Variants in PCID2 observed in about 807,000 individuals in gnomAD.
PCID2 encodes the protein PCI domain containing 2.
PCID2 carries 41 observed loss-of-function variants against 61.3 expected under a neutral mutation model. The observed-to-expected ratio is 0.67, with a 90% CI of 0.52 to 0.87. The LOEUF is 0.87. Among genes scored for constraint, PCID2 ranks in the 40% least tolerant of loss-of-function variants. The probability of loss-of-function intolerance (pLI) is 0.00; values close to 1 mark genes in which losing one functional copy is unlikely to be tolerated. For synonymous variants in PCID2, 187 were observed against 177.8 expected (o/e 1.05, Z -0.41); for missense variants, 392 against 493.4 (o/e 0.79, Z 1.95).
Position 113,177,611 on chromosome 13 carries a change from G to C in PCID2, c.*587C>G, listed in dbSNP as rs1355293460. On this transcript the variant is annotated 3_prime_UTR_variant, in exon 14 of 14. Coordinates refer to ENST00000337344, the MANE Select transcript of PCID2 (RefSeq NM_001127202.4). ...AAGAAATTTTTTTTTAACCAACAAA[G>C]CAAAGGCAAATAAAATAAGTTTATT... 1 of 152,098 alleles carries C rather than the reference G, an allele frequency of 6.6e-6. No individual in the cohort carries two copies. Among genetic ancestry groups the C allele is most frequent in the Non-Finnish European group, 1.5e-5 (1 of 68,010 alleles). The allele number at this position is 152,098 out of a possible 1,614,324, so 9.4% of individuals were successfully genotyped here. A position where few individuals can be genotyped will look rare whatever the true frequency, so the allele number is the denominator to read the frequency against.
rs145406466 is a variant in PCID2 at position 113,179,639 on chromosome 13, G to C, written c.986+278C>G. 6.6e-6 allele frequency among the ~76,000 whole-genome samples: 1 copy of C among 152,170 alleles called. No homozygotes were observed. The highest frequency in any genetic ancestry group is 1.5e-5 in the Non-Finnish European group (1 of 68,030). ...GTCCTGTGTGCTCTGATGAAATGTGGTACCGCGGCTCTCAGGGCTGATGTT... is the reference window on the plus strand; with the variant it reads ...GTCCTGTGTGCTCTGATGAAATGTGCTACCGCGGCTCTCAGGGCTGATGTT... On this transcript the variant is annotated intron_variant, in intron 12 of 13. Transcript: ENST00000337344. This position sits in a 1 kb window ranked among gnomAD's most constrained non-coding sequence, Gnocchi z 4.3.
the PCID2 span, among the ~76,000 whole-genome samples, chr13:113,167,591 T>G: frequency 6.6e-6 from 1 of 152,250 alleles, no homozygotes; most frequent in Non-Finnish European, 1.5e-5. Context: ...CACTTTACTT[T>G]CTAATTATTA....
chr13:113,172,062 A>T, the PCID2 span: 1 of 1,613,020 alleles, frequency 6.2e-7, no homozygotes, highest in Non-Finnish European at 8.5e-7. Context: ...CTTGTCACCA[A>T]GGTCTCCAGG....
rs1221924254 is a variant in PCID2, at chr13:113,183,908, A to G, written c.685+438T>C. The G allele has an allele frequency of 7.1e-6, 7 of 985,458 alleles. No homozygotes were observed. The African/African-American group carries it at 1.0e-4, about 15-fold the overall frequency. 61.0% of individuals were successfully genotyped at this position (985,458 alleles called of 1,614,324 possible). A position where few individuals can be genotyped will look rare whatever the true frequency, so the allele number is the denominator to read the frequency against. ...CTGTTTAAACGAGAGCTTTGACACC[A>G]GGTCCAAGGGCATATCCCCTGCTTC... is the stretch of plus-strand genomic sequence containing the variant. On this transcript the variant is annotated intron_variant, in intron 9 of 13. Transcript: ENST00000337344.
chr13:113,184,173 ATCT>A, intron 9 of PCID2, 170 bp downstream of exon 9: 1 of 422,034 alleles, frequency 2.4e-6, no homozygotes, highest in Non-Finnish European at 3.2e-6. Flanking sequence ...TGGATTAAGA[ATCT>A]TCAATATAAT....
Position 113,208,637 on chromosome 13 carries a change from G to A in PCID2, c.-3C>T. 6.2e-7 allele frequency: 1 copy of A among 1,606,858 alleles called. No homozygotes were observed. Among genetic ancestry groups the A allele is most frequent in the South Asian group, 1.1e-5 (1 of 90,288 alleles). On this transcript the variant is annotated 5_prime_UTR_variant, in exon 1 of 14. Coordinates refer to ENST00000337344, the MANE Select transcript of PCID2 (RefSeq NM_001127202.4). ...TGGTTAATGGTAATGTGCGCCATGG[G>A]AGCGCCGCCGAACGGAGAGCGCCAC...
intron 9 of PCID2, among the ~76,000 whole-genome samples, chr13:113,181,609 C>T (rs1409151526): frequency 6.6e-6 from 1 of 152,164 alleles, no homozygotes; most frequent in Non-Finnish European, 1.5e-5. Flanking sequence ...TGTACCTCCA[C>T]AATACATTTT....
chr13:113,167,762 G>A, the PCID2 span, among the ~76,000 whole-genome samples: 1 of 152,092 alleles, frequency 6.6e-6, no homozygotes, highest in South Asian at 2.1e-4. Context: ...TTTAATTGGG[G>A]TATTTAGGCC....
chr13:113,180,070 G>T, intron 11 of PCID2, 28 bp from the exon 12 acceptor site: 2 of 1,613,640 alleles, frequency 1.2e-6, no homozygotes, highest in Non-Finnish European at 8.5e-7. Context: ...GCGTCAGAAG[G>T]AGGGTGAGTT....
At position 113,180,030 on chromosome 13, in the gene PCID2, C is replaced by CAGG. The variant is rs764159023; in HGVS notation, c.870_872dup (p.Leu294dup). On this transcript the variant is annotated inframe_insertion, in exon 12 of 14. Transcript: ENST00000337344. Reference sequence around the variant, plus strand: ...TCGCCAGCGCCTCGTGCAGCAGCAGCAGGTTGCCCTCGCTGGTGAGGGGGG... The same window carrying CAGG: ...TCGCCAGCGCCTCGTGCAGCAGCAGCAGGAGGTTGCCCTCGCTGGTGAGGGGGG... 1 of 1,613,942 alleles carries CAGG rather than the reference C, an allele frequency of 6.2e-7. No homozygotes were observed. The highest frequency in any genetic ancestry group is 1.3e-5 in the African/African-American group (1 of 74,916).
At chr13:113,183,776 G>T (rs2037854924) in intron 9 of PCID2, 1 of 984,530 alleles carries the variant, frequency 1.0e-6, no homozygotes, top group Non-Finnish European at 1.2e-6. Flanking sequence ...TCCTGTTCTT[G>T]AGAAAGTTAC....
At chr13:113,182,572 T>C (rs1000601315) in intron 9 of PCID2, among the ~76,000 whole-genome samples, 11 of 152,188 alleles carry the variant, frequency 7.2e-5, no homozygotes, top group African/African-American at 1.7e-4. Flanking sequence ...CGATCTCAGC[T>C]CACTGCAAGC....
At chr13:113,184,285 A>C in intron 9 of PCID2, 61 bp downstream of exon 9, 1 of 1,394,422 alleles carries the variant, frequency 7.2e-7, no homozygotes, top group Non-Finnish European at 1.0e-6. Flanking sequence ...TATATTATTC[A>C]AAGTTGTTCA....
At chr13:113,173,092 C>A (rs754467001), downstream of PCID2, among the ~76,000 whole-genome samples, 6 of 152,150 alleles carry the variant, frequency 3.9e-5, no homozygotes, top group Non-Finnish European at 7.3e-5. Context: ...GACAGAGAGC[C>A]CTCAGCAGAC....
intron 8 of PCID2, 107 bp downstream of exon 8, chr13:113,185,378 C>T (rs1040429339): frequency 1.3e-6 from 1 of 796,540 alleles, no homozygotes; most frequent in Non-Finnish European, 2.2e-6. Flanking sequence ...CGGTTATGAT[C>T]ATTTCACAAG....
chr13:113,201,719 G>A (rs982856507), intron 1 of PCID2, among the ~76,000 whole-genome samples: 2 of 151,246 alleles, frequency 1.3e-5, no homozygotes, highest in Non-Finnish European at 2.9e-5. Flanking sequence ...GGCTGAGGGA[G>A]GAGAATGGCG....
chr13:113,197,274 C>T (rs1332029941), intron 3 of PCID2, 31 bp from the exon 4 acceptor site: 1 of 1,479,462 alleles, frequency 6.8e-7, no homozygotes, highest in Non-Finnish European at 9.5e-7. Flanking sequence ...TGCTGTCACA[C>T]AATAAAAACC....
At position 113,198,185 on chromosome 13, in the gene PCID2, G is replaced by T; in HGVS notation, c.200+6C>A. ...TGTGTGTTTTTCTTCCTCCCCAACA[G>T]ATTACCTTAAATGAGCTGCAAACAT... On this transcript the variant is annotated splice_donor_region_variant and intron_variant, in intron 3 of 13. Coordinates refer to ENST00000337344, the MANE Select transcript of PCID2 (RefSeq NM_001127202.4). 1 of 1,587,888 alleles carries T rather than the reference G, an allele frequency of 6.3e-7. No homozygotes were observed.
intron 8 of PCID2, 21 bp downstream of exon 8, chr13:113,185,464 A>G (rs1395589262): frequency 1.3e-6 from 2 of 1,559,118 alleles, no homozygotes; most frequent in Admixed American, 1.7e-5. Context: ...AAAGACAGAA[A>G]GGATTCAAAC....
Sources: gnomAD v4.1 joint callset for allele counts (sites outside exome capture counted in the v4.1 genomes callset) on GRCh38, gnomAD v4.1.1 for gene constraint, Gnocchi (gnomAD v3.1) non-coding constraint, MANE v1.5 for transcripts, NCBI Gene and HGNC (gene_info 2026-07-23, HGNC 2026-07-21) for gene names.